The following CCDC148 variants were observed in gnomAD, a reference collection of about 807,000 sequenced individuals.
CCDC148 encodes the protein coiled-coil domain-containing protein 148.
In CCDC148, 89 loss-of-function variants were observed where a neutral mutation model predicts 85.7. The ratio of observed to expected loss-of-function variants is 1.04; its 90% CI spans 0.87 to 1.24. The LOEUF (loss-of-function observed/expected upper bound fraction) is 1.24, where lower values mean the gene tolerates loss of function less well. Ranked by LOEUF, CCDC148 falls within the 50% of genes most tolerant of loss-of-function variation. The probability of loss-of-function intolerance (pLI) is 0.00; values close to 1 mark genes in which losing one functional copy is unlikely to be tolerated. For missense variants in CCDC148, 692 were observed against 671.7 expected, an observed-to-expected ratio of 1.03 and a Z score of -0.33; for synonymous variants, 230 against 213.9, an observed-to-expected ratio of 1.08 and a Z score of -0.66.
chr2:158,244,847 T>G (rs1034713327), intron 10 of CCDC148, among the ~76,000 whole-genome samples: 2 of 152,152 alleles, frequency 1.3e-5, no homozygotes, highest in African/African-American at 4.8e-5. Context: ...CTACTTATTT[T>G]GGTGTTATTC....
At chr2:158,365,598 T>A (rs1416360650) in intron 1 of CCDC148, among the ~76,000 whole-genome samples, 1 of 151,310 alleles carries the variant, frequency 6.6e-6, no homozygotes, top group Non-Finnish European at 1.5e-5. Flanking sequence ...TAAGTGGGAG[T>A]TGAACAATGA....
intron 7 of CCDC148, among the ~76,000 whole-genome samples, chr2:158,328,317 T>C (rs186308756): frequency 3.0e-4 from 45 of 152,274 alleles, no homozygotes; most frequent in African/African-American, 7.9e-4. Context: ...TCCAGCTTCA[T>C]ACATGTCCCT....
intron 13 of CCDC148, among the ~76,000 whole-genome samples, chr2:158,175,725 G>A (rs769744786): frequency 7.2e-5 from 11 of 152,010 alleles, no homozygotes; most frequent in East Asian, 1.9e-4. Flanking sequence ...AAAGTATGCC[G>A]CACAAAGTAG....
At chr2:158,285,615 C>G (rs1275334951) in intron 9 of CCDC148, among the ~76,000 whole-genome samples, 1 of 151,364 alleles carries the variant, frequency 6.6e-6, no homozygotes, top group Non-Finnish European at 1.5e-5. Flanking sequence ...ACTGCAAGGT[C>G]CGCCTCCCGG....
chr2:158,301,727 C>T (rs1024978984), intron 9 of CCDC148, among the ~76,000 whole-genome samples: 1 of 152,158 alleles, frequency 6.6e-6, no homozygotes, highest in Non-Finnish European at 1.5e-5. Context: ...TAAAGAATGT[C>T]AAAGAGTGGA....
chr2:158,276,036 C>T (rs567412935), intron 9 of CCDC148, among the ~76,000 whole-genome samples: 9 of 151,596 alleles, frequency 5.9e-5, no homozygotes, highest in Admixed American at 2.0e-4. Flanking sequence ...AAAGGATTAA[C>T]ATGTAAAATG....
intron 9 of CCDC148, among the ~76,000 whole-genome samples, chr2:158,252,241 T>C (rs974617558): frequency 6.6e-6 from 1 of 151,806 alleles, no homozygotes; most frequent in Non-Finnish European, 1.5e-5. Flanking sequence ...TGCAAAAATT[T>C]CATTTTCTAA....
chr2:158,266,356 T>C (rs1286775463), intron 9 of CCDC148, among the ~76,000 whole-genome samples: 1 of 152,140 alleles, frequency 6.6e-6, no homozygotes, highest in African/African-American at 2.4e-5. Flanking sequence ...TAGGAATGAG[T>C]GTAGGCCTGC....
chr2:158,213,882 A>G (rs1273401776), intron 11 of CCDC148, among the ~76,000 whole-genome samples: 2 of 152,084 alleles, frequency 1.3e-5, no homozygotes. Context: ...GGGCACCAGT[A>G]TTGGTCCCAA....
At chr2:158,298,778 T>G (rs1691312168) in intron 9 of CCDC148, among the ~76,000 whole-genome samples, 2 of 152,240 alleles carry the variant, frequency 1.3e-5, no homozygotes, top group Admixed American at 1.3e-4. Flanking sequence ...CCATGTTTAC[T>G]TCTATTTTCT....
chr2:158,256,052 C>A (rs903135179), intron 9 of CCDC148, among the ~76,000 whole-genome samples: 1 of 151,706 alleles, frequency 6.6e-6, no homozygotes, highest in African/African-American at 2.4e-5. Context: ...TTAATAAGCA[C>A]ACATTCTCAG....
chr2:158,351,473 C>A (rs1430098786), intron 2 of CCDC148, among the ~76,000 whole-genome samples: 4 of 151,528 alleles, frequency 2.6e-5, no homozygotes, highest in Non-Finnish European at 1.5e-5. Flanking sequence ...AAAGGGGCAC[C>A]TGGAAAATCG....
chr2:158,245,504 A>C (rs980803555), intron 10 of CCDC148, among the ~76,000 whole-genome samples: 1 of 152,192 alleles, frequency 6.6e-6, no homozygotes, highest in Admixed American at 6.5e-5. Flanking sequence ...GCAAAATTAG[A>C]GAGAATTTTG....
chr2:158,349,180 C>T (rs1012926407), intron 2 of CCDC148, among the ~76,000 whole-genome samples: 9 of 151,978 alleles, frequency 5.9e-5, no homozygotes, highest in African/African-American at 2.2e-4. Flanking sequence ...CTAGATGTAA[C>T]TTGAAGCAAT....
chr2:158,307,301 T>C (rs1335740990), intron 9 of CCDC148, among the ~76,000 whole-genome samples: 2 of 152,068 alleles, frequency 1.3e-5, no homozygotes, highest in Non-Finnish European at 2.9e-5. Flanking sequence ...GATACCCAAA[T>C]GGCTAATAAA....
At chr2:158,307,390 G>A (rs76606454) in intron 9 of CCDC148, among the ~76,000 whole-genome samples, 6,404 of 152,180 alleles carry the variant, frequency 0.042, 224 homozygotes, top group African/African-American at 0.092. Context: ...CAGTCACCAC[G>A]TTAGATGAAA....
At chr2:158,269,148 T>C (rs547634631) in intron 9 of CCDC148, among the ~76,000 whole-genome samples, 1 of 152,290 alleles carries the variant, frequency 6.6e-6, no homozygotes, top group Middle Eastern at 3.4e-3. Flanking sequence ...ACCATTTTTT[T>C]CATAATGGCT....
intron 10 of CCDC148, among the ~76,000 whole-genome samples, chr2:158,234,863 C>T (rs1688026820): frequency 2.0e-5 from 3 of 152,134 alleles, no homozygotes; most frequent in Admixed American, 2.0e-4. Flanking sequence ...TTTCTTTTGG[C>T]AGTGGTTTAG....
chr2:158,181,599 A>G (rs1684907262), intron 11 of CCDC148, among the ~76,000 whole-genome samples: 1 of 152,142 alleles, frequency 6.6e-6, no homozygotes, highest in African/African-American at 2.4e-5. Context: ...AGGAGGAAGT[A>G]CTCTGAATTT....
Sources: allele counts gnomAD v4.1 joint callset (sites outside exome capture counted in the v4.1 genomes callset), GRCh38; gene constraint gnomAD v4.1.1; transcripts MANE v1.5; gene names NCBI Gene and HGNC (gene_info 2026-07-23, HGNC 2026-07-21).